The following TRIM14 variants were observed in gnomAD, a reference collection of about 807,000 sequenced individuals.
TRIM14 encodes the protein tripartite motif-containing protein 14.
In TRIM14, 28 loss-of-function variants were observed where a neutral mutation model predicts 44.5. The ratio of observed to expected loss-of-function variants is 0.63; its 90% confidence interval spans 0.47 to 0.86. The LOEUF is 0.86. TRIM14 is among the 40% of genes least tolerant of loss of function. The pLI, the probability that TRIM14 is intolerant of heterozygous loss-of-function variation, is 0.00. For synonymous variants in TRIM14, 299 were observed against 269.2 expected (o/e 1.11, Z -1.08); for missense variants, 607 against 611.1 (o/e 0.99, Z 0.07).
chr9:98,045,762 G>T, the TRIM14 span, among the ~76,000 whole-genome samples: 1 of 152,170 alleles, frequency 6.6e-6, no homozygotes, highest in Non-Finnish European at 1.5e-5. Flanking sequence ...ATGACCCCCA[G>T]GGGTGCTGAG....
chr9:98,095,884 C>T lies in TRIM14; in HGVS notation c.538-855G>A, dbSNP rs1226873273. 2.0e-5 allele frequency among the ~76,000 whole-genome samples: 3 copies of T among 152,212 alleles called. 1 individual carries two copies. Among genetic ancestry groups the T allele is most frequent in the Admixed American group, 2.0e-4 (3 of 15,278 alleles). On this transcript the variant is annotated intron_variant, in intron 3 of 5. Transcript: ENST00000341469. The surrounding 1 kb of genome is among the most constrained non-coding windows in gnomAD (Gnocchi z 4.1). ...CCCCTGCTGGAGTCTGGACTTCATT[C>T]CTGCTGCCCATCTTCCATCCCGACT... is the stretch of plus-strand genomic sequence containing the variant.
At chr9:98,039,009 C>T in the TRIM14 span, among the ~76,000 whole-genome samples, 1 of 151,912 alleles carries the variant, frequency 6.6e-6, no homozygotes, top group Non-Finnish European at 1.5e-5. Flanking sequence ...GAGGTCGCGC[C>T]ACTGCACCCC....
chr9:98,064,055 C>A, the TRIM14 span, among the ~76,000 whole-genome samples: 1 of 152,112 alleles, frequency 6.6e-6, no homozygotes, highest in Non-Finnish European at 1.5e-5. Context: ...TGTGTGTCGA[C>A]TGAGTTGAAA....
rs746468127 is a variant in TRIM14 at position 98,087,270 on chromosome 9, A to C, written c.*200T>G. ...AGGTCTGATGAGAGGGCAGCAGCAG[A>C]CTTGTTTAGGGCCTGTTTGAAACTA... is the stretch of plus-strand genomic sequence containing the variant. On this transcript the variant is annotated 3_prime_UTR_variant, in exon 6 of 6. Transcript: ENST00000341469. The C allele has an allele frequency of 3.5e-6, 3 of 860,602 alleles. No individual in the cohort carries two copies. Among genetic ancestry groups the C allele is most frequent in the South Asian group, 2.7e-5 (2 of 75,280 alleles). 53.3% of individuals were successfully genotyped at this position (860,602 alleles called of 1,614,324 possible). A position where few individuals can be genotyped will look rare whatever the true frequency, so the allele number is the denominator to read the frequency against.
Position 98,087,919 on chromosome 9 carries a change from G to A in TRIM14, c.880C>T (p.Leu294=). The A allele has an allele frequency of 6.4e-7, 1 of 1,565,576 alleles. No individual in the cohort carries two copies. The highest frequency in any genetic ancestry group is 8.6e-7 in the Non-Finnish European group (1 of 1,166,076). ...ACGGGCACGGGCCCCAGGCTGCCCA[G>A]CAGGCCGCAGCGCACCGTCAGGCGA... ...ADRLTVRCGL[L]GSLGPVPVLR... Residue 294 remains leucine (L), a synonymous_variant, in exon 6 of 6, where the codon CTG becomes TTG. Transcript: ENST00000341469.
In TRIM14 at chr9:98,098,795, C is replaced by T. The variant is rs116412650; in HGVS notation, c.537+1136G>A. Among the ~76,000 whole-genome samples the T allele has an allele frequency of 7.8e-3, 1,183 of 151,900 alleles. 11 individuals are homozygous for T. Among genetic ancestry groups the T allele is most frequent in the African/African-American group, 0.027 (1,113 of 41,450 alleles). On this transcript the variant is annotated intron_variant, in intron 3 of 5. Coordinates refer to ENST00000341469, the MANE Select transcript of TRIM14 (RefSeq NM_014788.4). ...GACTATCCCTGGGGCTAGTTCTTTT[C>T]TTTTTTTTGAGACAGAGTCTCACTC...
intron 4 of TRIM14, among the ~76,000 whole-genome samples, chr9:98,093,017 A>G (rs183679618): frequency 2.0e-5 from 3 of 152,270 alleles, no homozygotes; most frequent in Admixed American, 2.0e-4. Flanking sequence ...AGAACTCTAG[A>G]ATCATAGGTC....
chr9:98,075,645 C>CTAATGGTGACTTAGAAA (rs1157641140), intron 6 of TRIM14: 1 of 152,160 alleles, frequency 6.6e-6, no homozygotes, highest in African/African-American at 2.4e-5. Flanking sequence ...TAACTTATTT[C>CTAATGGTGACTTAGAAA]TGAGTCACCA....
chr9:98,056,723 G>A, the TRIM14 span: 1 of 1,515,780 alleles, frequency 6.6e-7, no homozygotes, highest in Non-Finnish European at 8.8e-7. Context: ...GGGTCTCGCA[G>A]CGTTGCTCAC....
chr9:98,061,443 C>G, the TRIM14 span, among the ~76,000 whole-genome samples: 1 of 145,160 alleles, frequency 6.9e-6, no homozygotes, highest in Non-Finnish European at 1.5e-5. Context: ...CACCACTGTG[C>G]TCCAGCCTGG....
chr9:98,083,160 A>C (rs1284859394), downstream of TRIM14: 1 of 1,060,416 alleles, frequency 9.4e-7, no homozygotes, highest in Non-Finnish European at 1.4e-6. Context: ...CCTGGCTGTC[A>C]TCCACCTCCA....
At chr9:98,108,224 G>A (rs1276258979) in intron 2 of TRIM14, among the ~76,000 whole-genome samples, 1 of 151,928 alleles carries the variant, frequency 6.6e-6, no homozygotes, top group Non-Finnish European at 1.5e-5. Context: ...TTGGGGAAAG[G>A]GTCAAGAGAA....
chr9:98,109,925 GT>G lies in TRIM14; in HGVS notation c.266del (p.Asn89ThrfsTer2). The part of the protein sequence containing the change: ...LAIKKQQHID[N>X]ITQIEDATEK... ...CGGTGGCATCTTCTATCTGGGTTAT[GT>G]TGTCAATGTGCTGCTGCTTCTTGAT... is the stretch of plus-strand genomic sequence containing the variant. On this transcript the variant is annotated frameshift_variant, in exon 2 of 6. Coordinates refer to ENST00000341469, the MANE Select transcript of TRIM14 (RefSeq NM_014788.4). LOFTEE classifies it high-confidence loss of function. The G allele has an allele frequency of 6.2e-7, 1 of 1,613,868 alleles. No homozygotes were observed. Among genetic ancestry groups the G allele is most frequent in the Non-Finnish European group, 8.5e-7 (1 of 1,179,948 alleles).
At chr9:98,081,014 C>CT (rs1192448549), downstream of TRIM14, 1 of 1,614,224 alleles carries the variant, frequency 6.2e-7, no homozygotes, top group South Asian at 1.1e-5. Context: ...GTCAGTGCGT[C>CT]TTGTGGAGCG....
rs1404615887 is a variant in TRIM14 at position 98,084,753 on chromosome 9, T to G, written c.*2717A>C. On this transcript the variant is annotated 3_prime_UTR_variant, in exon 6 of 6. Transcript: ENST00000341469. ...GGTGCAATCTCAGCTCACTGCAATC[T>G]CCGCCTCCTGGGTTCAAGCAACTCT... 1 of 152,228 alleles carries G rather than the reference T, an allele frequency of 6.6e-6. No homozygotes were observed. The highest frequency in any genetic ancestry group is 1.5e-5 in the Non-Finnish European group (1 of 68,080). The allele number at this position is 152,228 out of a possible 1,614,324, so 9.4% of individuals were successfully genotyped here. A position where few individuals can be genotyped will look rare whatever the true frequency, so the allele number is the denominator to read the frequency against.
At chr9:98,080,959 C>G, downstream of TRIM14, 3 of 1,614,182 alleles carry the variant, frequency 1.9e-6, no homozygotes, top group Non-Finnish European at 2.5e-6. Flanking sequence ...AGGGGAGTGA[C>G]CACTCGGCCT....
At chr9:98,039,172 A>G in the TRIM14 span, among the ~76,000 whole-genome samples, 4 of 152,066 alleles carry the variant, frequency 2.6e-5, no homozygotes, top group East Asian at 7.7e-4. Context: ...ACTTTTAGAG[A>G]CAGACTCTCA....
chr9:98,043,401 A>G, the TRIM14 span, among the ~76,000 whole-genome samples: 1 of 152,150 alleles, frequency 6.6e-6, no homozygotes, highest in Non-Finnish European at 1.5e-5. Context: ...TCCTGACCTC[A>G]GGTGATCTGC....
the TRIM14 span, chr9:98,057,069 C>G: frequency 1.5e-6 from 2 of 1,291,794 alleles, no homozygotes; most frequent in South Asian, 1.6e-5. Context: ...CCGCCAGTTC[C>G]GTTTTCGGAA....
Sources: allele counts gnomAD v4.1 joint callset (sites outside exome capture counted in the v4.1 genomes callset), GRCh38; gene constraint gnomAD v4.1.1; non-coding constraint Gnocchi (gnomAD v3.1); transcripts MANE v1.5; gene names NCBI Gene and HGNC (gene_info 2026-07-23, HGNC 2026-07-21).